Variants in KIF6 observed in about 807,000 individuals in gnomAD.
KIF6 encodes the protein kinesin-like protein KIF6.
KIF6 carries 106 observed loss-of-function variants against 112.7 expected under a neutral mutation model. That is an observed-to-expected ratio of 0.94 (90% CI 0.80 to 1.11). The LOEUF is 1.11. KIF6 is among the 50% of genes least tolerant of loss of function. The pLI is 0.00. For missense variants in KIF6, 929 were observed against 964.0 expected (o/e 0.96, Z 0.48); for synonymous variants, 339 against 339.9 (o/e 1.00, Z 0.03).
At chr6:39,671,519 C>A (rs1237817916) in intron 3 of KIF6, among the ~76,000 whole-genome samples, 1 of 152,152 alleles carries the variant, frequency 6.6e-6, no homozygotes, top group Non-Finnish European at 1.5e-5. Flanking sequence ...AGGAGCCCTG[C>A]CCTATGTTCC....
intron 13 of KIF6, among the ~76,000 whole-genome samples, chr6:39,516,143 T>A (rs1777072795): frequency 6.6e-6 from 1 of 152,076 alleles, no homozygotes; most frequent in African/African-American, 2.4e-5. Context: ...GCATTTTGGG[T>A]AAGAGATATG....
intron 20 of KIF6, 108 bp downstream of exon 20, chr6:39,346,368 G>A (rs1466254961): frequency 1.4e-6 from 1 of 710,420 alleles, no homozygotes; most frequent in Admixed American, 2.0e-5. Flanking sequence ...CTCATGAATG[G>A]GATTAGAGTC....
chr6:39,708,802 C>G (rs1789363546), intron 3 of KIF6, among the ~76,000 whole-genome samples: 1 of 151,840 alleles, frequency 6.6e-6, no homozygotes, highest in South Asian at 2.1e-4. Context: ...GGATAATGTA[C>G]TATTTTTGCT....
chr6:39,607,408 T>C (rs772718190), intron 6 of KIF6, among the ~76,000 whole-genome samples: 5 of 152,086 alleles, frequency 3.3e-5, no homozygotes, highest in African/African-American at 4.8e-5. Context: ...ATATATAAAA[T>C]ATAAGAACAA....
intron 13 of KIF6, among the ~76,000 whole-genome samples, chr6:39,507,399 G>A (rs1776481336): frequency 6.6e-6 from 1 of 152,168 alleles, no homozygotes; most frequent in Non-Finnish European, 1.5e-5. Flanking sequence ...AAATATTTGG[G>A]AGCCAAGGAT....
At position 39,343,573 on chromosome 6, in the gene KIF6, G is replaced by T; in HGVS notation, c.2428+136C>A. On this transcript the variant is annotated intron_variant, in intron 22 of 22. Transcript: ENST00000287152. This position sits in a 1 kb window ranked among gnomAD's most constrained non-coding sequence, Gnocchi z 4.1. ...AAGGAATCAGAGGCTGGGCACATGT[G>T]ACTGACAGGCAGGCCAGTCCTGTGG... 1.6e-6 allele frequency: 2 copies of T among 1,221,328 alleles called. No individual in the cohort carries two copies. The highest frequency in any genetic ancestry group is 1.5e-5 in the South Asian group (1 of 67,330). The allele number at this position is 1,221,328 out of a possible 1,614,324, so 75.7% of individuals were successfully genotyped here.
intron 4 of KIF6, among the ~76,000 whole-genome samples, chr6:39,637,092 G>T (rs189289079): frequency 7.9e-5 from 12 of 152,100 alleles, no homozygotes; most frequent in African/African-American, 2.9e-4. Context: ...TTCAAATGGA[G>T]AATTCAGTAT....
At chr6:39,381,569 C>T (rs1368646184) in intron 16 of KIF6, among the ~76,000 whole-genome samples, 3 of 152,008 alleles carry the variant, frequency 2.0e-5, no homozygotes, top group Non-Finnish European at 2.9e-5. Context: ...GGCTGAAGGG[C>T]GAGAGTTAAG....
intron 15 of KIF6, among the ~76,000 whole-genome samples, chr6:39,397,074 A>G (rs1236737201): frequency 1.3e-5 from 2 of 152,144 alleles, no homozygotes; most frequent in African/African-American, 2.4e-5. Flanking sequence ...AATTGTCCAA[A>G]TCAGGGTTTC....
intron 15 of KIF6, among the ~76,000 whole-genome samples, chr6:39,411,445 A>T (rs980013233): frequency 1.3e-5 from 2 of 152,350 alleles, no homozygotes; most frequent in African/African-American, 4.8e-5. Flanking sequence ...AAAAGAGCCA[A>T]ACTAGAAGTG....
intron 13 of KIF6, among the ~76,000 whole-genome samples, chr6:39,444,161 G>T (rs1772156379): frequency 6.6e-6 from 1 of 152,162 alleles, no homozygotes; most frequent in Non-Finnish European, 1.5e-5. Context: ...GAGGTTAAAA[G>T]TGACTCCAAG....
chr6:39,621,601 T>C (rs114533447), intron 5 of KIF6, among the ~76,000 whole-genome samples: 135 of 152,344 alleles, frequency 8.9e-4, no homozygotes, highest in Non-Finnish European at 1.9e-3. Context: ...AGGACACCTG[T>C]TTATGTTTGA....
In KIF6 at chr6:39,635,301, TA is replaced by T. The variant is rs1467521064; in HGVS notation, c.400-344del. Reference sequence around the variant, plus strand: ...TACTTTCCAGACCAAAAAAGGTTACTAAAAAAAATAAACATATTCTGTGAAT... The same window carrying T: ...TACTTTCCAGACCAAAAAAGGTTACTAAAAAAATAAACATATTCTGTGAAT... On this transcript the variant is annotated intron_variant, in intron 4 of 22. Transcript: ENST00000287152. 5.3e-5 allele frequency among the ~76,000 whole-genome samples: 8 copies of T among 152,002 alleles called. No homozygotes were observed. The South Asian group carries it at 8.3e-4, about 16-fold the overall frequency.
At chr6:39,366,640 CG>C (rs1562138238) in intron 16 of KIF6, among the ~76,000 whole-genome samples, 1 of 152,118 alleles carries the variant, frequency 6.6e-6, no homozygotes, top group African/African-American at 2.4e-5. Context: ...ATGCAGAAAT[CG>C]GGGCACAGAA....
Position 39,628,797 on chromosome 6 carries a change from C to T in KIF6, c.509+6052G>A, listed in dbSNP as rs74293696. ...TACAGTATCATATAGAACAGTTTCA[C>T]CACCCAGAAACCCCCTGTGCTTCAC... On this transcript the variant is annotated intron_variant, in intron 5 of 22. Coordinates refer to ENST00000287152, the MANE Select transcript of KIF6 (RefSeq NM_145027.6). Among the ~76,000 whole-genome samples, 2,605 of 152,060 alleles carry T rather than the reference C, an allele frequency of 0.017. 423 individuals carry two copies. In the East Asian group the frequency reaches 0.38, roughly 22 times the overall value.
intron 16 of KIF6, among the ~76,000 whole-genome samples, chr6:39,379,436 C>T (rs1472015453): frequency 6.6e-6 from 1 of 152,112 alleles, no homozygotes; most frequent in Non-Finnish European, 1.5e-5. Flanking sequence ...GCTAGGGATT[C>T]GAAGATGAAT....
chr6:39,704,166 G>A (rs143001649), intron 3 of KIF6, among the ~76,000 whole-genome samples: 1,612 of 152,116 alleles, frequency 0.011, 14 homozygotes, highest in Non-Finnish European at 0.019. Context: ...TGTCAGTGGG[G>A]AGCCAAAAAT....
chr6:39,492,190 G>A (rs1266983001), intron 13 of KIF6, among the ~76,000 whole-genome samples: 1 of 152,164 alleles, frequency 6.6e-6, no homozygotes. Flanking sequence ...GATACTCACA[G>A]TTAAACAATA....
intron 3 of KIF6, among the ~76,000 whole-genome samples, chr6:39,649,558 A>G (rs967382890): frequency 5.3e-5 from 8 of 152,136 alleles, no homozygotes; most frequent in African/African-American, 1.9e-4. Context: ...TTTTTTAAAA[A>G]ATTCAGTCTG....
Sources: gnomAD v4.1 joint callset for allele counts (sites outside exome capture counted in the v4.1 genomes callset) on GRCh38, gnomAD v4.1.1 for gene constraint, Gnocchi (gnomAD v3.1) non-coding constraint, MANE v1.5 for transcripts, NCBI Gene and HGNC (gene_info 2026-07-23, HGNC 2026-07-21) for gene names.